Variants in DMD observed in about 807,000 individuals in gnomAD.
DMD encodes the protein mutant dystrophin.
In DMD, 63 loss-of-function variants were observed where a neutral mutation model predicts 330.1. The observed-to-expected ratio is 0.19, with a 90% CI of 0.16 to 0.24. DMD has a LOEUF of 0.24. Ranked by LOEUF, DMD falls within the 10% of genes least tolerant of loss-of-function variation. DMD has a pLI of 1.00. For synonymous variants in DMD, 1,223 were observed against 959.8 expected (o/e 1.27, Z -5.07); for missense variants, 3,344 against 2,684.1 (o/e 1.25, Z -5.43).
Position 32,809,622 on chromosome X carries a change from TACACATAC to T in DMD, c.531-19_531-12del, listed in dbSNP as rs777913319. On this transcript the variant is annotated splice_polypyrimidine_tract_variant and intron_variant, in intron 6 of 78. Coordinates refer to ENST00000357033, the MANE Select transcript of DMD (RefSeq NM_004006.3). ...TCAAATAGGTCTGGCCTAAAACACA[TACACATAC>T]ACACATACACAAAGACAAATATAAA... 1.2e-5 allele frequency: 14 copies of T among 1,139,373 alleles called. No homozygotes were observed. The highest frequency in any genetic ancestry group is 1.2e-4 in the East Asian group (4 of 33,408). 93.9% of individuals were successfully genotyped at this position (1,139,373 alleles called of 1,213,427 possible).
intron 16 of DMD, among the ~76,000 whole-genome samples, chrX:32,560,352 C>T (rs918495693): frequency 9.0e-6 from 1 of 111,173 alleles, no homozygotes; most frequent in African/African-American, 3.3e-5. Flanking sequence ...TTCAACAGCA[C>T]ATGTGATTTC....
intron 55 of DMD, among the ~76,000 whole-genome samples, chrX:31,600,639 G>A (rs1179641551): frequency 9.6e-6 from 1 of 104,233 alleles, no homozygotes; most frequent in East Asian, 3.1e-4. Context: ...TTTCTGTTTG[G>A]GTTTGACCAA....
At chrX:33,031,388 G>A (rs991132718) in intron 1 of DMD, among the ~76,000 whole-genome samples, 1 of 111,121 alleles carries the variant, frequency 9.0e-6, no homozygotes, top group Non-Finnish European at 1.9e-5. Context: ...ATCCAGAATG[G>A]CCCATAGGAG....
At chrX:32,093,782 A>C (rs2050609539) in intron 44 of DMD, among the ~76,000 whole-genome samples, 1 of 111,413 alleles carries the variant, frequency 9.0e-6, no homozygotes, top group Admixed American at 9.6e-5. Context: ...AGAATTAATA[A>C]TATGATAATG....
chrX:32,452,936 G>A (rs1018582749), intron 26 of DMD, among the ~76,000 whole-genome samples: 3 of 110,852 alleles, frequency 2.7e-5, no homozygotes, highest in African/African-American at 9.8e-5. Flanking sequence ...CTTTGCAGAA[G>A]CTATGCTCTC....
intron 7 of DMD, among the ~76,000 whole-genome samples, chrX:32,752,792 C>G (rs1010365552): frequency 4.6e-5 from 5 of 109,363 alleles, no homozygotes; most frequent in African/African-American, 6.7e-5. Context: ...CCATGCTGTT[C>G]TTGTGGTAGT....
intron 50 of DMD, among the ~76,000 whole-genome samples, chrX:31,784,632 A>G (rs1235236825): frequency 9.0e-6 from 1 of 111,315 alleles, no homozygotes; most frequent in Non-Finnish European, 1.9e-5. Flanking sequence ...CATACTTCAA[A>G]TTTTGAATTT....
Position 31,522,355 on chromosome X carries a change from C to CTA in DMD, c.8218-14903_8218-14902insTA, listed in dbSNP as rs1264715425. 1.9e-3 allele frequency among the ~76,000 whole-genome samples: 117 copies of CTA among 60,496 alleles called. 1 individual carries two copies. Among genetic ancestry groups the CTA allele is most frequent in the Middle Eastern group, 8.3e-3 (1 of 120 alleles). The allele number at this position is 60,496 out of a possible 115,157, so 52.5% of individuals were successfully genotyped here. On this transcript the variant is annotated intron_variant, in intron 55 of 78. Coordinates refer to ENST00000357033, the MANE Select transcript of DMD (RefSeq NM_004006.3). ...TCTCTCTCTCTCTCTCTCTCTCTCT[C>CTA]TCTCTCTCTATATATATATATATAT... is the stretch of plus-strand genomic sequence containing the variant.
chrX:31,724,917 C>T (rs1467564909), intron 52 of DMD, among the ~76,000 whole-genome samples: 1 of 112,125 alleles, frequency 8.9e-6, no homozygotes, highest in African/African-American at 3.2e-5. Flanking sequence ...GTCTGTACAT[C>T]TCCAACACAT....
chrX:33,203,348 A>G (rs2051388067), intron 1 of DMD, among the ~76,000 whole-genome samples: 5 of 112,184 alleles, frequency 4.5e-5, no homozygotes, highest in African/African-American at 1.6e-4. Flanking sequence ...TACAGTAGTC[A>G]GTTGAAATGG....
intron 34 of DMD, among the ~76,000 whole-genome samples, chrX:32,368,118 T>C (rs1251472097): frequency 1.8e-5 from 2 of 111,571 alleles, no homozygotes; most frequent in African/African-American, 6.5e-5. Context: ...TTAAATACTA[T>C]GCTGAGCTTG....
At chrX:31,620,414 ATTT>A (rs796904162) in intron 55 of DMD, among the ~76,000 whole-genome samples, 2 of 97,648 alleles carry the variant, frequency 2.0e-5, no homozygotes, top group Non-Finnish European at 2.1e-5. Context: ...CCATGACATA[ATTT>A]TTTTTTTTTT....
At chrX:31,551,511 G>A (rs375329748) in intron 55 of DMD, among the ~76,000 whole-genome samples, 3 of 111,862 alleles carry the variant, frequency 2.7e-5, no homozygotes, top group Non-Finnish European at 5.6e-5. Flanking sequence ...CAGGATCATG[G>A]ACTCAAAATG....
intron 44 of DMD, among the ~76,000 whole-genome samples, chrX:31,978,605 C>A (rs776490627): frequency 8.9e-6 from 1 of 111,908 alleles, no homozygotes; most frequent in Non-Finnish European, 1.9e-5. Context: ...AACCTCATAG[C>A]ATCCCTGAGA....
intron 62 of DMD, among the ~76,000 whole-genome samples, chrX:31,287,314 T>G (rs749120051): frequency 2.7e-5 from 3 of 111,866 alleles, no homozygotes; most frequent in Non-Finnish European, 5.6e-5. Context: ...TAGACCCCAA[T>G]CTGAAAATTT....
At chrX:32,516,040 T>C (rs1020266583) in intron 18 of DMD, among the ~76,000 whole-genome samples, 1 of 109,709 alleles carries the variant, frequency 9.1e-6, no homozygotes, top group Non-Finnish European at 1.9e-5. Flanking sequence ...AAGGAGTAAA[T>C]GAAGAAATCA....
chrX:31,359,534 A>T (rs1232488077), intron 60 of DMD, among the ~76,000 whole-genome samples: 1 of 112,481 alleles, frequency 8.9e-6, no homozygotes, highest in Admixed American at 9.4e-5. Context: ...CCACATAACA[A>T]CACTACCAAC....
intron 13 of DMD, among the ~76,000 whole-genome samples, chrX:32,580,896 G>A (rs950282830): frequency 3.6e-5 from 4 of 110,503 alleles, no homozygotes; most frequent in Admixed American, 9.6e-5. Context: ...GCGCGATCTC[G>A]GCTCACTGCA....
chrX:32,469,272 T>G (rs1287869347), intron 22 of DMD, among the ~76,000 whole-genome samples: 1 of 110,797 alleles, frequency 9.0e-6, no homozygotes, highest in African/African-American at 3.3e-5. Flanking sequence ...ATAACACATG[T>G]AATTTCTTAC....
Sources: gnomAD v4.1 joint callset for allele counts (sites outside exome capture counted in the v4.1 genomes callset) on GRCh38, gnomAD v4.1.1 for gene constraint, MANE v1.5 for transcripts, NCBI Gene and HGNC (gene_info 2026-07-23, HGNC 2026-07-21) for gene names.